BCKDHB: variants seen among roughly 807,000 people sequenced by gnomAD.
The protein encoded by BCKDHB is 2-oxoisovalerate dehydrogenase subunit beta, mitochondrial.
Under a neutral mutation model 48.5 loss-of-function variants are expected in BCKDHB, and 41 were observed. That is an observed-to-expected ratio of 0.85 (90% CI 0.66 to 1.10). BCKDHB has a LOEUF of 1.10. Ranked by LOEUF, BCKDHB falls within the 50% of genes least tolerant of loss-of-function variation. The probability of loss-of-function intolerance (pLI) is 0.00; values close to 1 mark genes in which losing one functional copy is unlikely to be tolerated. For missense variants in BCKDHB, 496 were observed against 494.2 expected, an observed-to-expected ratio of 1.00 and a Z score of -0.03; for synonymous variants, 201 against 174.8, an observed-to-expected ratio of 1.15 and a Z score of -1.18.
chr6:80,306,271 A>G (rs1402762096), intron 9 of BCKDHB, among the ~76,000 whole-genome samples: 1 of 152,238 alleles, frequency 6.6e-6, no homozygotes, highest in African/African-American at 2.4e-5. Flanking sequence ...AAACACAATA[A>G]CATATTTATT....
intron 9 of BCKDHB, among the ~76,000 whole-genome samples, chr6:80,313,131 C>T (rs1768251694): frequency 6.6e-6 from 1 of 152,100 alleles, no homozygotes; most frequent in African/African-American, 2.4e-5. Flanking sequence ...TTCAGGGATT[C>T]AGTTTCTTCC....
intron 9 of BCKDHB, among the ~76,000 whole-genome samples, chr6:80,273,889 A>C (rs1266361092): frequency 1.3e-5 from 2 of 151,994 alleles, no homozygotes; most frequent in East Asian, 3.9e-4. Flanking sequence ...CATATATAAG[A>C]TAATTTAAGG....
chr6:80,383,769 A>C, the BCKDHB span, among the ~76,000 whole-genome samples: 1 of 152,128 alleles, frequency 6.6e-6, no homozygotes, highest in Non-Finnish European at 1.5e-5. Context: ...CATAGCAATA[A>C]AAGGAGCTAG....
rs374341303 is a variant in BCKDHB at position 80,290,464 on chromosome 6, T to G, written c.1038+17243T>G. On this transcript the variant is annotated intron_variant, in intron 9 of 9. Transcript: ENST00000320393. ...GGGGCCATGTCTCTCCCCCGCCCAC[T>G]GCGGAGCATGCCTGGGAACATGAGG... Among the ~76,000 whole-genome samples the G allele has an allele frequency of 9.4e-4, 143 of 152,320 alleles. 1 individual carries two copies. Among genetic ancestry groups the G allele is most frequent in the African/African-American group, 3.3e-3 (138 of 41,578 alleles).
intron 1 of BCKDHB, among the ~76,000 whole-genome samples, chr6:80,112,610 G>A (rs573940246): frequency 6.6e-6 from 1 of 152,324 alleles, no homozygotes; most frequent in Non-Finnish European, 1.5e-5. Flanking sequence ...CAGTCCAACT[G>A]CTGCAGCAAC....
At chr6:80,115,229 C>T (rs766708299) in intron 1 of BCKDHB, among the ~76,000 whole-genome samples, 3 of 151,924 alleles carry the variant, frequency 2.0e-5, no homozygotes, top group Admixed American at 6.6e-5. Context: ...TAGTACAACC[C>T]TGAACTCTCC....
At chr6:80,179,495 T>G (rs184273501) in intron 6 of BCKDHB, among the ~76,000 whole-genome samples, 2 of 152,206 alleles carry the variant, frequency 1.3e-5, no homozygotes, top group Admixed American at 1.3e-4. Flanking sequence ...AGATATGATT[T>G]TAAGGATAAG....
At chr6:80,147,914 A>G (rs1384085002) in intron 3 of BCKDHB, among the ~76,000 whole-genome samples, 2 of 152,058 alleles carry the variant, frequency 1.3e-5, no homozygotes, top group Non-Finnish European at 2.9e-5. Flanking sequence ...TTTGAAGTTG[A>G]GGTGAATGGA....
At chr6:80,412,524 T>C in the BCKDHB span, among the ~76,000 whole-genome samples, 1 of 152,248 alleles carries the variant, frequency 6.6e-6, no homozygotes, top group African/African-American at 2.4e-5. Flanking sequence ...TTTTGTCTTT[T>C]AACTTTTATT....
intron 8 of BCKDHB, among the ~76,000 whole-genome samples, chr6:80,235,074 A>G (rs1255406443): frequency 6.6e-6 from 1 of 152,146 alleles, no homozygotes; most frequent in Non-Finnish European, 1.5e-5. Context: ...AGTTAGAAGA[A>G]ATAAGTTCTA....
At chr6:80,449,114 TA>T in the BCKDHB span, among the ~76,000 whole-genome samples, 57 of 152,316 alleles carry the variant, frequency 3.7e-4, no homozygotes, top group African/African-American at 1.3e-3. Flanking sequence ...CAGGATCCCA[TA>T]ATCAATACTT....
chr6:80,200,746 A>G (rs1774351893), intron 6 of BCKDHB, among the ~76,000 whole-genome samples, 188 bp from the exon 7 acceptor site: 1 of 152,120 alleles, frequency 6.6e-6, no homozygotes, highest in Admixed American at 6.6e-5. Flanking sequence ...TTTATATTGC[A>G]TTTATTCATC....
chr6:80,199,544 C>T lies in BCKDHB; in HGVS notation c.743-1390C>T, dbSNP rs143768197. Among the ~76,000 whole-genome samples the T allele has an allele frequency of 3.5e-3, 534 of 151,052 alleles. 3 individuals carry two copies. The highest frequency in any genetic ancestry group is 0.012 in the African/African-American group (498 of 41,126). ...TGTAATCCCAGCACTTTGGGAGCCT[C>T]GGGGGGCAGATCACCTGAGGTTAGG... is the stretch of plus-strand genomic sequence containing the variant. On this transcript the variant is annotated intron_variant, in intron 6 of 9. Transcript: ENST00000320393.
chr6:80,118,693 T>A (rs1422696087), intron 1 of BCKDHB, among the ~76,000 whole-genome samples: 1 of 152,210 alleles, frequency 6.6e-6, no homozygotes, highest in Non-Finnish European at 1.5e-5. Flanking sequence ...CAGCTAAGTT[T>A]GTGTAATATT....
At chr6:80,464,806 T>C in the BCKDHB span, among the ~76,000 whole-genome samples, 2 of 152,328 alleles carry the variant, frequency 1.3e-5, no homozygotes, top group South Asian at 4.1e-4. Flanking sequence ...TAAGTGCTAG[T>C]GCTTTATTGG....
chr6:80,179,651 A>AG (rs1773321663), intron 6 of BCKDHB, among the ~76,000 whole-genome samples: 1 of 152,180 alleles, frequency 6.6e-6, no homozygotes, highest in African/African-American at 2.4e-5. Flanking sequence ...CCATGACTTA[A>AG]GGTAGTACAT....
At chr6:80,156,303 ATGTG>A (rs1772043520) in intron 3 of BCKDHB, among the ~76,000 whole-genome samples, 1 of 151,940 alleles carries the variant, frequency 6.6e-6, no homozygotes, top group Non-Finnish European at 1.5e-5. Flanking sequence ...GTTCATGGTA[ATGTG>A]AAGGCCAACT....
chr6:80,440,865 G>C, the BCKDHB span: 1 of 152,052 alleles, frequency 6.6e-6, no homozygotes. Flanking sequence ...CTCTTTGTTT[G>C]ATGGCTTTCT....
chr6:80,216,043 G>A (rs1775157732), intron 8 of BCKDHB, among the ~76,000 whole-genome samples: 1 of 152,136 alleles, frequency 6.6e-6, no homozygotes, highest in African/African-American at 2.4e-5. Context: ...CCCGGCCAAT[G>A]TATCTTACAT....
Sources: allele counts gnomAD v4.1 joint callset (sites outside exome capture counted in the v4.1 genomes callset), GRCh38; gene constraint gnomAD v4.1.1; transcripts MANE v1.5; gene names NCBI Gene and HGNC (gene_info 2026-07-23, HGNC 2026-07-21).